Variants in SLC35F4 observed in about 807,000 individuals in gnomAD.
SLC35F4 encodes the protein chromosome 14 open reading frame 36.
SLC35F4 carries 24 observed loss-of-function variants against 44.2 expected under a neutral mutation model. The ratio of observed to expected loss-of-function variants is 0.54; its 90% confidence interval spans 0.39 to 0.76. The LOEUF (loss-of-function observed/expected upper bound fraction) is 0.76. Among genes scored for constraint, SLC35F4 ranks in the 30% least tolerant of loss-of-function variants. The probability of loss-of-function intolerance (pLI) is 0.00; values close to 1 mark genes in which losing one functional copy is unlikely to be tolerated. For missense variants in SLC35F4, 562 were observed against 586.1 expected (o/e 0.96, Z 0.42); for synonymous variants, 238 against 223.6 (o/e 1.06, Z -0.57).
At chr14:57,924,442 C>T (rs1889507752) in intron 1 of SLC35F4, among the ~76,000 whole-genome samples, 1 of 151,724 alleles carries the variant, frequency 6.6e-6, no homozygotes, top group Admixed American at 6.6e-5. Context: ...TCTTTACTTT[C>T]CTCTTTCTTT....
chr14:57,630,613 A>C (rs760912345), intron 1 of SLC35F4: 46 of 822,096 alleles, frequency 5.6e-5, no homozygotes, highest in Middle Eastern at 5.4e-4. Context: ...TCCAAATCTC[A>C]GTCAAAATCA....
At chr14:57,678,334 C>T (rs1435189939) in intron 1 of SLC35F4, among the ~76,000 whole-genome samples, 1 of 152,028 alleles carries the variant, frequency 6.6e-6, no homozygotes, top group Admixed American at 6.6e-5. Flanking sequence ...GAGATTTTGT[C>T]ACCACCAGGC....
chr14:57,641,775 A>C (rs1329184784), intron 1 of SLC35F4, among the ~76,000 whole-genome samples: 1 of 152,072 alleles, frequency 6.6e-6, no homozygotes, highest in Non-Finnish European at 1.5e-5. Context: ...ACTTTGTATT[A>C]ATAGGCAATA....
chr14:57,834,017 G>A (rs1884653284), intron 1 of SLC35F4, among the ~76,000 whole-genome samples: 1 of 152,152 alleles, frequency 6.6e-6, no homozygotes, highest in Non-Finnish European at 1.5e-5. Context: ...TGAATTAAGT[G>A]AAACACAAAT....
At chr14:57,867,312 G>A (rs1246816996), upstream of SLC35F4, among the ~76,000 whole-genome samples, 1 of 152,094 alleles carries the variant, frequency 6.6e-6, no homozygotes, top group Non-Finnish European at 1.5e-5. Context: ...AGGTAAATTA[G>A]GTTTAAGCAT....
At chr14:57,958,792 T>C (rs1270055842) in intron 1 of SLC35F4, among the ~76,000 whole-genome samples, 1 of 152,112 alleles carries the variant, frequency 6.6e-6, no homozygotes, top group African/African-American at 2.4e-5. Flanking sequence ...GATAGGAATG[T>C]CCCACTCAAT....
chr14:57,628,917 C>T lies in SLC35F4; in HGVS notation c.104-34793G>A, dbSNP rs567684562. On this transcript the variant is annotated intron_variant, in intron 1 of 7. Transcript: ENST00000556826. Reference sequence around the variant, plus strand: ...ATCATAATTAGGCAACAGGTCATTTCAGCTGTATCTCATGGATTTCCCCTG... The same window carrying T: ...ATCATAATTAGGCAACAGGTCATTTTAGCTGTATCTCATGGATTTCCCCTG... 2.8e-4 allele frequency among the ~76,000 whole-genome samples: 43 copies of T among 152,212 alleles called. No individual in the cohort carries two copies. The South Asian group carries it at 8.5e-3, about 30-fold the overall frequency.
rs2068405378 is a variant in SLC35F4 at position 57,569,925 on chromosome 14, A to T, written c.989T>A (p.Val330Asp). 1.2e-6 allele frequency: 2 copies of T among 1,612,854 alleles called. No homozygotes were observed. Among genetic ancestry groups the T allele is most frequent in the South Asian group, 2.2e-5 (2 of 90,686 alleles). Residue 330 changes from valine to aspartate, a missense_variant, in exon 6 of 8, where the codon GTC (valine) becomes GAC (aspartate). Val to Asp is a radical substitution (Grantham distance 152, BLOSUM62 -3). Coordinates refer to ENST00000556826, the MANE Select transcript of SLC35F4 (RefSeq NM_001306087.2). ...CAAATTGAAGAAACCCAAGGTGGAG[A>T]CAAAGTGTGCAGCTTCCCCAAAGTT... ...SANFGEAAHF[V>D]STLGFFNLIF...
intron 1 of SLC35F4, among the ~76,000 whole-genome samples, chr14:57,672,780 TTTA>T: frequency 1.1e-4 from 1 of 8,912 alleles, no homozygotes; most frequent in African/African-American, 2.6e-4. Context: ...TAAATTTTAT[TTTA>T]TTTTTTTTTT....
At chr14:57,890,022 C>T (rs1482613945) in intron 1 of SLC35F4, among the ~76,000 whole-genome samples, 1 of 152,192 alleles carries the variant, frequency 6.6e-6, no homozygotes, top group Non-Finnish European at 1.5e-5. Flanking sequence ...TCCCTGCCTC[C>T]TCTCACTGTG....
chr14:57,945,365 C>T (rs1170045104), intron 1 of SLC35F4, among the ~76,000 whole-genome samples: 1 of 151,330 alleles, frequency 6.6e-6, no homozygotes, highest in African/African-American at 2.4e-5. Flanking sequence ...AAATGAATTC[C>T]CCCTGCAATA....
chr14:57,731,762 A>T (rs2076350047), intron 1 of SLC35F4, among the ~76,000 whole-genome samples: 1 of 152,228 alleles, frequency 6.6e-6, no homozygotes, highest in Non-Finnish European at 1.5e-5. Flanking sequence ...AGAATTCAGA[A>T]AGAAGTCCAA....
At chr14:57,828,506 A>G (rs1249577795) in intron 1 of SLC35F4, among the ~76,000 whole-genome samples, 2 of 152,234 alleles carry the variant, frequency 1.3e-5, no homozygotes, top group Admixed American at 1.3e-4. Context: ...TTAATTTTAA[A>G]AAGATGAAAA....
chr14:57,610,128 C>G (rs1311389404), intron 1 of SLC35F4, among the ~76,000 whole-genome samples: 1 of 152,160 alleles, frequency 6.6e-6, no homozygotes, highest in Non-Finnish European at 1.5e-5. Flanking sequence ...TGAGGAGTCT[C>G]TATGTTCCAG....
intron 1 of SLC35F4, among the ~76,000 whole-genome samples, chr14:57,676,262 T>C (rs903352437): frequency 1.3e-5 from 2 of 152,060 alleles, no homozygotes; most frequent in East Asian, 3.9e-4. Context: ...AAAAAGGAAC[T>C]AGATCATGTC....
intron 1 of SLC35F4, among the ~76,000 whole-genome samples, chr14:57,670,544 T>C (rs1484970294): frequency 1.3e-5 from 2 of 152,064 alleles, no homozygotes; most frequent in African/African-American, 4.8e-5. Context: ...TTTGTTCTCG[T>C]TGGTTTCAAA....
chr14:57,653,759 C>T (rs1212011857), intron 1 of SLC35F4, among the ~76,000 whole-genome samples: 1 of 152,178 alleles, frequency 6.6e-6, no homozygotes, highest in Non-Finnish European at 1.5e-5. Context: ...CTTATCAGGG[C>T]TGGAGTCTTT....
intron 1 of SLC35F4, among the ~76,000 whole-genome samples, chr14:57,675,106 C>A (rs1714342415): frequency 6.6e-6 from 1 of 152,020 alleles, no homozygotes; most frequent in South Asian, 2.1e-4. Flanking sequence ...AGAAAACAAC[C>A]AGAACAGTGC....
intron 1 of SLC35F4, among the ~76,000 whole-genome samples, chr14:57,650,670 C>T (rs2073747337): frequency 6.6e-6 from 1 of 152,154 alleles, no homozygotes; most frequent in Non-Finnish European, 1.5e-5. Flanking sequence ...TTAGATCATA[C>T]CATTCTCCTG....
Sources: allele counts gnomAD v4.1 joint callset (sites outside exome capture counted in the v4.1 genomes callset), GRCh38; gene constraint gnomAD v4.1.1; transcripts MANE v1.5; gene names NCBI Gene and HGNC (gene_info 2026-07-23, HGNC 2026-07-21).